The following TENM3 variants were observed in gnomAD, a reference collection of about 807,000 sequenced individuals.
The protein encoded by TENM3 is teneurin transmembrane protein 3, also known as teneurin-3.
Under a neutral mutation model 255.1 loss-of-function variants are expected in TENM3, and 63 were observed. The observed-to-expected ratio is 0.25, with a 90% CI of 0.20 to 0.30. The LOEUF (loss-of-function observed/expected upper bound fraction) is 0.30. Among genes scored for constraint, TENM3 ranks in the 10% least tolerant of loss-of-function variants. The pLI is 1.00. For missense variants in TENM3, 2,929 were observed against 3,461.1 expected (o/e 0.85, Z 3.86); for synonymous variants, 1,306 against 1,322.3 (o/e 0.99, Z 0.27).
chr4:182,535,304 T>C (rs1450658533), intron 3 of TENM3, among the ~76,000 whole-genome samples: 1 of 152,256 alleles, frequency 6.6e-6, no homozygotes, highest in Non-Finnish European at 1.5e-5. Context: ...TTGATACTTG[T>C]TCTGAAATTC....
the TENM3 span, among the ~76,000 whole-genome samples, chr4:181,946,812 G>C: frequency 6.6e-6 from 1 of 152,134 alleles, no homozygotes; most frequent in South Asian, 2.1e-4. Flanking sequence ...AAGGCAGTGG[G>C]TATAAAAAAG....
the TENM3 span, among the ~76,000 whole-genome samples, chr4:181,935,287 A>G: frequency 3.3e-5 from 5 of 152,380 alleles, no homozygotes; most frequent in South Asian, 1.0e-3. Context: ...ATAAATAAGG[A>G]AGATGAGACA....
chr4:181,874,647 C>T, the TENM3 span: 4 of 152,390 alleles, frequency 2.6e-5, no homozygotes, highest in Non-Finnish European at 5.9e-5. Flanking sequence ...ATTTGTACAA[C>T]ATAAGCGTTA....
At chr4:181,582,220 T>C in the TENM3 span, among the ~76,000 whole-genome samples, 1 of 152,218 alleles carries the variant, frequency 6.6e-6, no homozygotes, top group East Asian at 1.9e-4. Context: ...TTGCTTTGCA[T>C]AGGGCACGGG....
chr4:182,137,338 C>G, the TENM3 span, among the ~76,000 whole-genome samples: 3 of 145,206 alleles, frequency 2.1e-5, no homozygotes, highest in African/African-American at 5.1e-5. Context: ...CCACCTCCCC[C>G]CCCCCAAAAA....
At chr4:182,162,373 C>G (rs1579560652) in intron 1 of TENM3, among the ~76,000 whole-genome samples, 1 of 152,252 alleles carries the variant, frequency 6.6e-6, no homozygotes, top group African/African-American at 2.4e-5. Flanking sequence ...AAGAAGACAT[C>G]TATTTTAGAA....
the TENM3 span, among the ~76,000 whole-genome samples, chr4:181,731,825 C>G: frequency 6.6e-6 from 1 of 152,096 alleles, no homozygotes; most frequent in Admixed American, 6.5e-5. Context: ...TATATATTAA[C>G]AAAGCAGTTA....
intron 12 of TENM3, among the ~76,000 whole-genome samples, chr4:182,712,776 G>A (rs1016226988): frequency 3.3e-5 from 5 of 152,192 alleles, no homozygotes; most frequent in Admixed American, 2.6e-4. Flanking sequence ...TGTCACCGGA[G>A]CAATAGTAGC....
intron 1 of TENM3, among the ~76,000 whole-genome samples, chr4:182,178,737 C>G (rs1752669807): frequency 6.6e-6 from 1 of 152,184 alleles, no homozygotes. Context: ...GTGTTTGAAG[C>G]TTCTAACTTT....
chr4:181,514,861 G>A, the TENM3 span, among the ~76,000 whole-genome samples: 23 of 152,180 alleles, frequency 1.5e-4, no homozygotes, highest in Non-Finnish European at 2.8e-4. Flanking sequence ...GGAAATTTCA[G>A]GCAACACACT....
the TENM3 span, among the ~76,000 whole-genome samples, chr4:181,781,406 T>C: frequency 1.3e-5 from 2 of 152,190 alleles, no homozygotes; most frequent in Admixed American, 6.5e-5. Context: ...AATTCACTCA[T>C]TATTTGGCTC....
chr4:181,668,823 T>TAA, the TENM3 span, among the ~76,000 whole-genome samples: 459 of 152,316 alleles, frequency 3.0e-3, 3 homozygotes, highest in Middle Eastern at 0.01. Context: ...CCCTGGAATG[T>TAA]CCTGCTCTGC....
rs1272546626 is a variant in TENM3, at chr4:182,799,020, G to C, written c.7345-576G>C. Among the ~76,000 whole-genome samples the C allele has an allele frequency of 6.6e-6, 1 of 152,204 alleles. No individual in the cohort carries two copies. Among genetic ancestry groups the C allele is most frequent in the Non-Finnish European group, 1.5e-5 (1 of 68,042 alleles). On this transcript the variant is annotated intron_variant, in intron 27 of 27. Coordinates refer to ENST00000511685, the MANE Select transcript of TENM3 (RefSeq NM_001080477.4). The surrounding 1 kb of genome is among the most constrained non-coding windows in gnomAD (Gnocchi z 4.2). ...CCTAAAGTAACAAATATCGTCTCCA[G>C]CTGCCCCACCTTCCACTCATCCCTG...
At chr4:181,927,582 A>G in the TENM3 span, among the ~76,000 whole-genome samples, 3 of 152,218 alleles carry the variant, frequency 2.0e-5, no homozygotes, top group African/African-American at 7.2e-5. Flanking sequence ...GGGAAGGGGT[A>G]GCTGTGGGCG....
the TENM3 span, among the ~76,000 whole-genome samples, chr4:181,485,748 T>C: frequency 5.0e-4 from 76 of 152,308 alleles, no homozygotes; most frequent in East Asian, 0.014. Context: ...AACCAAGTAT[T>C]TCAATGTTGA....
intron 1 of TENM3, among the ~76,000 whole-genome samples, chr4:182,187,859 T>G (rs6815953): frequency 0.63 from 96,128 of 151,978 alleles, 32,097 homozygotes; most frequent in African/African-American, 0.86. Context: ...GGAAACTGCT[T>G]TATTATTGTC....
the TENM3 span, among the ~76,000 whole-genome samples, chr4:181,546,320 C>T: frequency 2.0e-5 from 3 of 152,186 alleles, no homozygotes; most frequent in South Asian, 4.1e-4. Context: ...GCTCACAGTA[C>T]AACTGCACAC....
the TENM3 span, among the ~76,000 whole-genome samples, chr4:182,072,494 A>T: frequency 1.2e-4 from 18 of 152,322 alleles, 1 homozygote; most frequent in African/African-American, 3.8e-4. Context: ...GCTTTACCTC[A>T]AAACCTTAGC....
At chr4:182,173,221 A>T (rs920041753) in intron 1 of TENM3, among the ~76,000 whole-genome samples, 1 of 152,206 alleles carries the variant, frequency 6.6e-6, no homozygotes, top group African/African-American at 2.4e-5. Context: ...AGCACCTAAG[A>T]GGCAGCACTT....
Sources: allele counts gnomAD v4.1 joint callset (sites outside exome capture counted in the v4.1 genomes callset), GRCh38; gene constraint gnomAD v4.1.1; non-coding constraint Gnocchi (gnomAD v3.1); transcripts MANE v1.5; gene names NCBI Gene and HGNC (gene_info 2026-07-23, HGNC 2026-07-21).